Variants in UCKL1 observed in about 807,000 individuals in gnomAD.
UCKL1 encodes uridine-cytidine kinase 1 like 1, also known as uridine-cytidine kinase-like 1.
UCKL1 carries 65 observed loss-of-function variants against 59.2 expected under a neutral mutation model. The observed-to-expected ratio is 1.10, with a 90% CI of 0.90 to 1.35. UCKL1 has a LOEUF of 1.35. Ranked by LOEUF, UCKL1 falls within the 40% of genes most tolerant of loss-of-function variation. UCKL1 has a pLI of 0.00. For synonymous variants in UCKL1, 410 were observed against 323.1 expected (o/e 1.27, Z -2.88); for missense variants, 703 against 784.3 (o/e 0.90, Z 1.24).
At chr20:63,950,645 C>A in intron 1 of UCKL1, 5 of 1,243,438 alleles carry the variant, frequency 4.0e-6, no homozygotes, top group Non-Finnish European at 5.2e-6. Context: ...AGAGCACCTG[C>A]CAGCCTGTTT....
At position 63,940,801 on chromosome 20, in the gene UCKL1, C is replaced by T; in HGVS notation, c.1172G>A (p.Gly391Glu). ...GTGTGCCCAGGCAGGTACCTGCTTCCCCGCATAGCACTTGCCCGCATAGTC... is the reference window on the plus strand; with the variant it reads ...GTGTGCCCAGGCAGGTACCTGCTTCTCCGCATAGCACTTGCCCGCATAGTC... ...GQDYAGKCYA[G>E]KQITGVSILR... Residue 391 changes from glycine (G) to glutamate (E), a missense_variant, in exon 11 of 15, where the codon GGG (glycine) becomes GAG (glutamate). Gly to Glu is a moderately conservative substitution (Grantham distance 98). Coordinates refer to ENST00000354216, the MANE Select transcript of UCKL1 (RefSeq NM_017859.4). 1.3e-6 allele frequency: 2 copies of T among 1,586,078 alleles called. No homozygotes were observed. Among genetic ancestry groups the T allele is most frequent in the South Asian group, 2.3e-5 (2 of 87,000 alleles).
chr20:63,951,909 G>A (rs1471899752), intron 1 of UCKL1, among the ~76,000 whole-genome samples: 2 of 152,208 alleles, frequency 1.3e-5, no homozygotes, highest in Non-Finnish European at 2.9e-5. Context: ...GGGGCAGACA[G>A]GTCAGCCATG....
intron 6 of UCKL1, 32 bp from the exon 7 acceptor site, chr20:63,944,490 G>A: frequency 1.3e-6 from 2 of 1,581,528 alleles, no homozygotes; most frequent in Non-Finnish European, 1.7e-6. Flanking sequence ...GGTGACCGGG[G>A]GCTGGGCCGT....
At chr20:63,946,769 A>G in intron 1 of UCKL1, 126 bp from the exon 2 acceptor site, 1 of 982,200 alleles carries the variant, frequency 1.0e-6, no homozygotes, top group East Asian at 2.6e-5. Flanking sequence ...GGGCAGGCTC[A>G]TTGGGGGTAC....
chr20:63,950,542 G>A (rs2057423935), intron 1 of UCKL1, among the ~76,000 whole-genome samples: 1 of 152,172 alleles, frequency 6.6e-6, no homozygotes, highest in Non-Finnish European at 1.5e-5. Context: ...AACCCGGAGG[G>A]TTCCAAGCCG....
chr20:63,952,500 C>T (rs1322397974), intron 1 of UCKL1, among the ~76,000 whole-genome samples: 4 of 152,322 alleles, frequency 2.6e-5, no homozygotes, highest in South Asian at 2.1e-4. Flanking sequence ...CAGCAGCCCA[C>T]GGCAGGGAGG....
rs370819528 is a variant in UCKL1, at chr20:63,945,651, C to T, written c.654G>A (p.Glu218=). The change falls in exon 5 of 15, where the codon GAG becomes GAA. Residue 218 remains glutamate, a splice_region_variant and synonymous_variant. Coordinates refer to ENST00000354216, the MANE Select transcript of UCKL1 (RefSeq NM_017859.4). ...IMAFADKTLL[E]LLDMKIFVDT... Reference sequence around the variant, plus strand: ...GTGGGTATTCCCGGCGGGTGCTTACCTCCAACAGTGTCTTGTCAGCAAAGG... The same window carrying T: ...GTGGGTATTCCCGGCGGGTGCTTACTTCCAACAGTGTCTTGTCAGCAAAGG... 9.9e-6 allele frequency: 16 copies of T among 1,612,756 alleles called. No homozygotes were observed. Among genetic ancestry groups the T allele is most frequent in the Admixed American group, 1.7e-5 (1 of 59,998 alleles).
In UCKL1 at chr20:63,941,175, C is replaced by T; in HGVS notation, c.957G>A (p.Pro319=). 1.3e-6 allele frequency: 2 copies of T among 1,569,538 alleles called. No homozygotes were observed. The highest frequency in any genetic ancestry group is 2.3e-5 in the East Asian group (1 of 43,864). Residue 319 remains proline (P), a synonymous_variant, in exon 9 of 15, where the codon CCG becomes CCA. Transcript: ENST00000354216. ...TCAGGACGCTCAGCGTCCGGGGCAGCGGGTGGCACTGGTGTGCCGAGGCCA... is the reference window on the plus strand; with the variant it reads ...TCAGGACGCTCAGCGTCCGGGGCAGTGGGTGGCACTGGTGTGCCGAGGCCA... ...AALASAHQCH[P]LPRTLSVLKS...
intron 1 of UCKL1, among the ~76,000 whole-genome samples, chr20:63,949,201 C>T (rs372851123): frequency 3.3e-5 from 5 of 151,676 alleles, no homozygotes. Context: ...ACCTCGGCTC[C>T]GGAGATCGTT....
In UCKL1 at chr20:63,950,839, G is replaced by A. The variant is rs973465766; in HGVS notation, c.114-4196C>T. ...GGGGGCTGCTCATGGTCGAGGACAC[G>A]GGTGGGTGCTCCTGAACAGCAGAGT... On this transcript the variant is annotated intron_variant, in intron 1 of 14. Coordinates refer to ENST00000354216, the MANE Select transcript of UCKL1 (RefSeq NM_017859.4). The A allele has an allele frequency of 7.9e-6, 12 of 1,513,056 alleles. No individual in the cohort carries two copies. The African/African-American group carries it at 8.4e-5, about 11-fold the overall frequency. The allele number at this position is 1,513,056 out of a possible 1,614,324, so 93.7% of individuals were successfully genotyped here. A position where few individuals can be genotyped will look rare whatever the true frequency, so the allele number is the denominator to read the frequency against.
chr20:63,942,654 C>T (rs1419116735), intron 8 of UCKL1: 2 of 509,544 alleles, frequency 3.9e-6, no homozygotes, highest in Non-Finnish European at 4.0e-6. Flanking sequence ...CCCTGCCTGA[C>T]CCTCCCTCCT....
chr20:63,945,502 G>T, intron 5 of UCKL1, 149 bp downstream of exon 5: 1 of 770,930 alleles, frequency 1.3e-6, no homozygotes, highest in Non-Finnish European at 2.1e-6. Flanking sequence ...GCTGTGGCAT[G>T]CCTGGGGTTG....
At chr20:63,950,556 C>T (rs955059201) in intron 1 of UCKL1, among the ~76,000 whole-genome samples, 5 of 152,218 alleles carry the variant, frequency 3.3e-5, no homozygotes, top group South Asian at 4.1e-4. Flanking sequence ...CAAGCCGTAA[C>T]CAACACAAGA....
In UCKL1 at chr20:63,956,342, C is replaced by T. The variant is rs575544063; in HGVS notation, c.31G>A (p.Asp11Asn). The T allele has an allele frequency of 1.8e-4, 276 of 1,548,036 alleles. 3 individuals are homozygous for T. In the South Asian group the frequency reaches 3.2e-3, roughly 18 times the overall value. ...GTAGGTGGCGACGTGGGCGAAGGATCAGCGTCCGCGCGGGCCGGGGGCGCA... is the reference window on the plus strand; with the variant it reads ...GTAGGTGGCGACGTGGGCGAAGGATTAGCGTCCGCGCGGGCCGGGGGCGCA... Reference protein sequence around the residue: MAAPPARADADPSPTSPPTAR... With the variant: MAAPPARADANPSPTSPPTAR... Residue 11 changes from aspartate to asparagine, a missense_variant, in exon 1 of 15, where the codon GAT (aspartate) becomes AAT (asparagine). Physicochemically the swap from Asp to Asn is conservative, Grantham distance 23. This residue lies in a region of UCKL1 where 398 missense variants were observed against 373.0 expected (regional missense o/e 1.07). Coordinates refer to ENST00000354216, the MANE Select transcript of UCKL1 (RefSeq NM_017859.4).
chr20:63,949,554 A>AG (rs2057263069), intron 1 of UCKL1, among the ~76,000 whole-genome samples: 1 of 152,204 alleles, frequency 6.6e-6, no homozygotes. Flanking sequence ...CCCTCCCAGC[A>AG]GGTGGTGATG....
intron 1 of UCKL1, among the ~76,000 whole-genome samples, chr20:63,949,276 G>C (rs1002852368): frequency 1.3e-5 from 2 of 152,160 alleles, no homozygotes; most frequent in Non-Finnish European, 2.9e-5. Flanking sequence ...GCGCCAAGAC[G>C]ACCAGGCGAG....
chr20:63,940,944 A>G lies in UCKL1; in HGVS notation c.1116+6T>C, dbSNP rs915502377. 5 of 1,521,888 alleles carry G rather than the reference A, an allele frequency of 3.3e-6. No homozygotes were observed. The African/African-American group carries it at 5.5e-5, about 17-fold the overall frequency. The allele number at this position is 1,521,888 out of a possible 1,614,324, so 94.3% of individuals were successfully genotyped here. A position where few individuals can be genotyped will look rare whatever the true frequency, so the allele number is the denominator to read the frequency against. ...CCCTCCACCTCGCGGGCTACGGGCT[A>G]CGAACCTGAAAGGGCAGGAAGGAGA... On this transcript the variant is annotated splice_donor_region_variant and intron_variant, in intron 10 of 14. Coordinates refer to ENST00000354216, the MANE Select transcript of UCKL1 (RefSeq NM_017859.4).
In UCKL1 at chr20:63,946,163, T is replaced by C; in HGVS notation, c.409A>G (p.Lys137Glu). Reference sequence around the variant, plus strand: ...GGGGGAGCTGGGCGGGGGCCCACCTTGTAGAAGGAGTCCATGGACAGCAAG... The same window carrying C: ...GGGGGAGCTGGGCGGGGGCCCACCTCGTAGAAGGAGTCCATGGACAGCAAG... ...VVLLSMDSFY[K>E]VLTEQQQEQA... The change falls in exon 3 of 15, where the codon AAG becomes GAG. Residue 137 changes from lysine (K) to glutamate (E), a missense_variant and splice_region_variant. By Grantham distance (56) the Lys-to-Glu change is moderately conservative. This residue lies in a region of UCKL1 where 398 missense variants were observed against 373.0 expected (regional missense o/e 1.07). Coordinates refer to ENST00000354216, the MANE Select transcript of UCKL1 (RefSeq NM_017859.4). 6.2e-7 allele frequency: 1 copy of C among 1,611,996 alleles called. No homozygotes were observed.
At position 63,956,293 on chromosome 20, in the gene UCKL1, T is replaced by C; in HGVS notation, c.80A>G (p.Gln27Arg). The part of the protein sequence containing the change: ...PPTARDTPGR[Q>R]AEKSETACED... ...GCACGCGGTCTCGCTTTTCTCAGCCTGCCGGCCTGGTGTGTCTCGGGCCGT... is the reference window on the plus strand; with the variant it reads ...GCACGCGGTCTCGCTTTTCTCAGCCCGCCGGCCTGGTGTGTCTCGGGCCGT... The change falls in exon 1 of 15, where the codon CAG (glutamine) becomes CGG (arginine). Residue 27 changes from glutamine to arginine, a missense_variant. Around this residue, in one of 4 missense-constraint regions of UCKL1, gnomAD observed 398 missense variants for 373.0 expected, o/e 1.07. Transcript: ENST00000354216. 6.4e-7 allele frequency: 1 copy of C among 1,561,718 alleles called. No homozygotes were observed. Among genetic ancestry groups the C allele is most frequent in the South Asian group, 1.2e-5 (1 of 85,042 alleles).
Sources: allele counts gnomAD v4.1 joint callset (sites outside exome capture counted in the v4.1 genomes callset), GRCh38; gene constraint gnomAD v4.1.1; regional missense constraint gnomAD v4.1.1; transcripts MANE v1.5; gene names NCBI Gene and HGNC (gene_info 2026-07-23, HGNC 2026-07-21).